TONSL: variants seen among roughly 807,000 people sequenced by gnomAD.
TONSL encodes tonsoku-like protein.
In TONSL, 112 loss-of-function variants were observed where a neutral mutation model predicts 147.1. That is an observed-to-expected ratio of 0.76 (90% CI 0.65 to 0.89). The LOEUF is 0.89. Among genes scored for constraint, TONSL ranks in the 40% least tolerant of loss-of-function variants. The probability of loss-of-function intolerance (pLI) is 0.00; values close to 1 mark genes in which losing one functional copy is unlikely to be tolerated. For missense variants in TONSL, 1,883 were observed against 1,864.6 expected (o/e 1.01, Z -0.18); for synonymous variants, 868 against 801.5 (o/e 1.08, Z -1.40).
Position 144,438,711 on chromosome 8 carries a change from G to C in TONSL, c.1505C>G (p.Pro502Arg), listed in dbSNP as rs557438514. The change falls in exon 12 of 26, where the codon CCG (proline) becomes CGG (arginine). Residue 502 changes from proline to arginine, a missense_variant. Physicochemically the swap from Pro to Arg is moderately radical, Grantham distance 103. Transcript: ENST00000409379. ...AAGCTCCTCGTCCTCCTCCAGCTGC[G>C]GGGTCAGGCCATCGGTGTCGTCCTC... is the stretch of plus-strand genomic sequence containing the variant. ...EGEDDTDGLT[P>R]QLEEDEELQG... 22 of 1,613,018 alleles carry C rather than the reference G, an allele frequency of 1.4e-5. No individual in the cohort carries two copies. Among genetic ancestry groups the C allele is most frequent in the Non-Finnish European group, 1.9e-5 (22 of 1,179,908 alleles).
Position 144,430,522 on chromosome 8 carries a change from G to T in TONSL, c.3825C>A (p.Cys1275Ter), listed in dbSNP as rs1554878434. 6.8e-6 allele frequency: 11 copies of T among 1,611,986 alleles called. No individual in the cohort carries two copies. The highest frequency in any genetic ancestry group is 1.1e-5 in the South Asian group (1 of 90,794). Reference sequence around the variant, plus strand: ...ACAGATCCAGTGAGATGAGTGAGGGGCACAGAGAGAGACATCTGAGATAAC... The same window carrying T: ...ACAGATCCAGTGAGATGAGTGAGGGTCACAGAGAGAGACATCTGAGATAAC... Reference protein sequence around the residue: ...VRDLCRCLSLCPSLISLDLSA... With the variant: ...VRDLCRCLSL Residue 1275 changes from cysteine (C) to a stop codon, truncating the protein, a stop_gained, in exon 25 of 26, where the codon TGC becomes TGA. Coordinates refer to ENST00000409379, the MANE Select transcript of TONSL (RefSeq NM_013432.5). LOFTEE classifies it high-confidence loss of function.
chr8:144,440,064 C>G lies in TONSL; in HGVS notation c.1437G>C (p.Glu479Asp), dbSNP rs770868542. The change falls in exon 11 of 26, where the codon GAG (glutamate) becomes GAC (aspartate). Residue 479 changes from glutamate to aspartate, a missense_variant. Transcript: ENST00000409379. ...CCTCGCCGGCCTCCAGGGCTTCGCT[C>G]TCCGCTGTGGCTGCCGCCTCCTCCG... ...EEAEEAAATAESEALEAGEVE... is the reference protein window; with the variant it reads ...EEAEEAAATADSEALEAGEVE... 6 of 1,573,710 alleles carry G rather than the reference C, an allele frequency of 3.8e-6. No individual in the cohort carries two copies. In the Admixed American group the frequency reaches 8.4e-5, roughly 22 times the overall value.
chr8:144,435,762 C>A lies in TONSL; in HGVS notation c.2671G>T (p.Val891Phe). Residue 891 changes from valine to phenylalanine, a missense_variant, in exon 17 of 26, where the codon GTT becomes TTT. Physicochemically the swap from Val to Phe is conservative, Grantham distance 50. Coordinates refer to ENST00000409379, the MANE Select transcript of TONSL (RefSeq NM_013432.5). ...GCCAGGCTGCTGGGCCCTGCGTTAA[C>A]TGGCGCACTGCAACTCTGCATGCAG... ...LTCMQSCSAP[V>F]NAGPSSLASE... is the part of the protein sequence containing the mutation. 2 of 1,612,922 alleles carry A rather than the reference C, an allele frequency of 1.2e-6. No homozygotes were observed. Among genetic ancestry groups the A allele is most frequent in the Non-Finnish European group, 1.7e-6 (2 of 1,179,934 alleles).
Position 144,436,296 on chromosome 8 carries a change from G to T in TONSL, c.2137C>A (p.Gln713Lys). The change falls in exon 17 of 26, where the codon CAG becomes AAG. Residue 713 changes from glutamine to lysine, a missense_variant. By Grantham distance (53) the Gln-to-Lys change is moderately conservative (BLOSUM62 1). Coordinates refer to ENST00000409379, the MANE Select transcript of TONSL (RefSeq NM_013432.5). Reference protein sequence around the residue: ...SNSTRLPEASQAHVRVSPGQA... With the variant: ...SNSTRLPEASKAHVRVSPGQA... ...CCTGGGGAGACCCTGACATGGGCCT[G>T]AGAGGCCTCTGGGAGTCTAGTGCTA... 6.6e-7 allele frequency: 1 copy of T among 1,505,354 alleles called. No individual in the cohort carries two copies. The highest frequency in any genetic ancestry group is 8.8e-7 in the Non-Finnish European group (1 of 1,133,318). 93.2% of individuals were successfully genotyped at this position (1,505,354 alleles called of 1,614,324 possible).
chr8:144,441,963 G>T, intron 7 of TONSL, 74 bp downstream of exon 7: 1 of 1,330,202 alleles, frequency 7.5e-7, no homozygotes, highest in Non-Finnish European at 1.1e-6. Context: ...TACACACCTG[G>T]CGGGACTCCA....
rs1823671926 is a variant in TONSL at position 144,440,538 on chromosome 8, C to A, written c.1165-62G>T. On this transcript the variant is annotated intron_variant, in intron 9 of 25. Transcript: ENST00000409379. ...CTGTCTGCGTCCAACGGGCCCCAGT[C>A]AAGCTTCCCCGGCTGCCCAGACGAA... The A allele has an allele frequency of 1.9e-6, 3 of 1,540,172 alleles. No homozygotes were observed. In the South Asian group the frequency reaches 3.7e-5, roughly 19 times the overall value.
chr8:144,442,246 C>T lies in TONSL; in HGVS notation c.745G>A (p.Ala249Thr). The T allele has an allele frequency of 3.1e-6, 5 of 1,588,430 alleles. No individual in the cohort carries two copies. Among genetic ancestry groups the T allele is most frequent in the Non-Finnish European group, 4.3e-6 (5 of 1,163,898 alleles). ...FMESECCVVI[A>T]QVLQDLGDFL... ...GAGCCACGCACAGCGGGTACCTGTGCAATAACCACGCAGCACTCGCTCTCC... is the reference window on the plus strand; with the variant it reads ...GAGCCACGCACAGCGGGTACCTGTGTAATAACCACGCAGCACTCGCTCTCC... Residue 249 changes from alanine to threonine, a missense_variant, in exon 6 of 26, where the codon GCA becomes ACA. Ala to Thr is a moderately conservative substitution (Grantham distance 58). Transcript: ENST00000409379.
At chr8:144,432,682 GC>G in intron 22 of TONSL, 1 of 459,410 alleles carries the variant, frequency 2.2e-6, no homozygotes, top group East Asian at 3.6e-5. Context: ...TGGACAACTT[GC>G]CCTCTCCCAC....
intron 22 of TONSL, 109 bp downstream of exon 22, chr8:144,433,479 G>A: frequency 9.2e-7 from 1 of 1,086,590 alleles, no homozygotes; most frequent in Non-Finnish European, 1.3e-6. Flanking sequence ...AAGTAGCTGG[G>A]ACCACAGGTG....
At position 144,429,193 on chromosome 8, in the gene TONSL, CG is replaced by C; in HGVS notation, c.4086del (p.Gly1363AlafsTer30). 2.0e-6 allele frequency: 3 copies of C among 1,534,552 alleles called. No homozygotes were observed. In the South Asian group the frequency reaches 3.6e-5, roughly 18 times the overall value. On this transcript the variant is annotated frameshift_variant, in exon 26 of 26. Coordinates refer to ENST00000409379, the MANE Select transcript of TONSL (RefSeq NM_013432.5). LOFTEE classifies it high-confidence loss of function. Reference protein sequence around the residue: ...LRQLQPSRPGPGECTLDHGSK... With the variant: ...LRQLQPSRPGXGECTLDHGSK... ...GAGCCGTGGTCCAGCGTGCACTCGC[CG>C]GGGCCCGGCCGACTGGGCTGCAGCT... is the stretch of plus-strand genomic sequence containing the variant.
intron 24 of TONSL, 72 bp from the exon 25 acceptor site, chr8:144,430,609 CCAGA>C (rs1429637109): frequency 3.3e-6 from 5 of 1,514,286 alleles, no homozygotes; most frequent in Admixed American, 4.2e-5. Flanking sequence ...GGAAAGCTGC[CCAGA>C]CAAATGCCAG....
chr8:144,440,310 G>A, intron 10 of TONSL, 41 bp downstream of exon 10: 1 of 1,564,000 alleles, frequency 6.4e-7, no homozygotes. Flanking sequence ...ACGAAGCTGG[G>A]CTCACCGGGG....
intron 21 of TONSL, 27 bp downstream of exon 21, chr8:144,433,951 A>G (rs1554879303): frequency 6.5e-7 from 1 of 1,537,230 alleles, no homozygotes. Context: ...CCCGCTGTTG[A>G]GGGCCTGCTG....
chr8:144,439,746 T>C (rs2306385), intron 11 of TONSL: 252,724 of 493,602 alleles, frequency 0.51, 65,825 homozygotes, highest in Middle Eastern at 0.61. Flanking sequence ...GTCTCACCCC[T>C]GGCCCCAGAT....
chr8:144,434,274 G>C lies in TONSL; in HGVS notation c.3091C>G (p.His1031Asp). ...TCCACGGCCTGCAGCACCTGTTGGT[G>C]CTCCCCTGCGGGAGGGATGTGATGT... is the stretch of plus-strand genomic sequence containing the variant. Reference protein sequence around the residue: ...RACQSLGQGEHQQVLQAVELQ... With the variant: ...RACQSLGQGEDQQVLQAVELQ... Residue 1031 changes from histidine (H) to aspartate (D), a missense_variant, in exon 21 of 26, where the codon CAC (histidine) becomes GAC (aspartate). Coordinates refer to ENST00000409379, the MANE Select transcript of TONSL (RefSeq NM_013432.5). 3 of 1,506,940 alleles carry C rather than the reference G, an allele frequency of 2.0e-6. No individual in the cohort carries two copies. Among genetic ancestry groups the C allele is most frequent in the Non-Finnish European group, 2.7e-6 (3 of 1,127,586 alleles). The allele number at this position is 1,506,940 out of a possible 1,614,324, so 93.3% of individuals were successfully genotyped here.
Position 144,432,390 on chromosome 8 carries a change from C to A in TONSL, c.3630G>T (p.Leu1210=). The change falls in exon 23 of 26, where the codon CTG becomes CTT. Residue 1210 remains leucine, a synonymous_variant. Coordinates refer to ENST00000409379, the MANE Select transcript of TONSL (RefSeq NM_013432.5). ...GGAGGGTGCCGGCGGGCAGGCTCTG[C>A]AGGGTCCTGGCCAGGGCAGGGGCTC... ...ALGAPALART[L]QSLPAGTLLH... is the part of the protein sequence containing the mutation. The A allele has an allele frequency of 6.2e-7, 1 of 1,610,796 alleles. No individual in the cohort carries two copies.
rs1432152447 is a variant in TONSL, at chr8:144,442,054, C to G, written c.848G>C (p.Cys283Ser). The G allele has an allele frequency of 1.2e-6, 2 of 1,612,706 alleles. No individual in the cohort carries two copies. Among genetic ancestry groups the G allele is most frequent in the Non-Finnish European group, 1.7e-6 (2 of 1,179,940 alleles). Reference protein sequence around the residue: ...SQKPVQRAAICQNLQHVLAVV... With the variant: ...SQKPVQRAAISQNLQHVLAVV... ...AGGCTCACCATGCTGGAGGTTCTGA[C>G]AGATGGCTGCCCTCTGCACAGGCTT... Residue 283 changes from cysteine (C) to serine (S), a missense_variant, in exon 7 of 26, where the codon TGT becomes TCT. Physicochemically the swap from Cys to Ser is moderately radical, Grantham distance 112. Transcript: ENST00000409379.
In TONSL at chr8:144,440,872, T is replaced by G; in HGVS notation, c.1012-2A>C. The G allele has an allele frequency of 6.2e-7, 1 of 1,612,698 alleles. No homozygotes were observed. ...GTCCAGCAGCTCAGCAAAACGCAGC[T>G]GGGGGCAGTGCCAGTGAGGCCAGGG... On this transcript the variant is annotated splice_acceptor_variant, in intron 8 of 25. Coordinates refer to ENST00000409379, the MANE Select transcript of TONSL (RefSeq NM_013432.5). LOFTEE classifies it high-confidence loss of function.
chr8:144,437,424 C>G (rs544754502), intron 13 of TONSL, among the ~76,000 whole-genome samples: 2 of 152,332 alleles, frequency 1.3e-5, no homozygotes, highest in East Asian at 3.9e-4. Flanking sequence ...AGCCCCCATC[C>G]TGGCCAGGCT....
Sources: allele counts gnomAD v4.1 joint callset (sites outside exome capture counted in the v4.1 genomes callset), GRCh38; gene constraint gnomAD v4.1.1; transcripts MANE v1.5; gene names NCBI Gene and HGNC (gene_info 2026-07-23, HGNC 2026-07-21).